TENM3: variants seen among roughly 807,000 people sequenced by gnomAD.
TENM3 encodes the protein teneurin-3.
TENM3 carries 63 observed loss-of-function variants against 255.1 expected under a neutral mutation model. That is an observed-to-expected ratio of 0.25 (90% confidence interval 0.20 to 0.30). TENM3 has a LOEUF of 0.30. TENM3 is among the 10% of genes least tolerant of loss of function. TENM3 has a pLI of 1.00. For missense variants in TENM3, 2,929 were observed against 3,461.1 expected, an observed-to-expected ratio of 0.85 and a Z score of 3.86; for synonymous variants, 1,306 against 1,322.3, an observed-to-expected ratio of 0.99 and a Z score of 0.27.
At chr4:182,481,290 T>C (rs2151514163) in intron 3 of TENM3, among the ~76,000 whole-genome samples, 1 of 152,306 alleles carries the variant, frequency 6.6e-6, no homozygotes, top group East Asian at 1.9e-4. Context: ...ATCGCTTTTC[T>C]TTATCTTGAA....
intron 5 of TENM3, among the ~76,000 whole-genome samples, chr4:182,633,968 G>A (rs764899204): frequency 1.3e-4 from 20 of 152,106 alleles, no homozygotes; most frequent in Admixed American, 7.9e-4. Context: ...CCTAGGAATC[G>A]CCTGGGGACC....
At chr4:181,595,990 G>A in the TENM3 span, among the ~76,000 whole-genome samples, 7 of 152,022 alleles carry the variant, frequency 4.6e-5, no homozygotes, top group Non-Finnish European at 1.0e-4. Context: ...AAGTATTTGG[G>A]CATTTCTCAT....
At chr4:181,523,244 G>C in the TENM3 span, among the ~76,000 whole-genome samples, 1 of 151,992 alleles carries the variant, frequency 6.6e-6, no homozygotes, top group African/African-American at 2.4e-5. Context: ...CCAGAACTTG[G>C]ACTGCATAGT....
chr4:181,939,737 G>T, the TENM3 span, among the ~76,000 whole-genome samples: 337 of 152,354 alleles, frequency 2.2e-3, no homozygotes, highest in African/African-American at 7.6e-3. Context: ...GCAGGGGCCA[G>T]GGTGAGTGGA....
intron 3 of TENM3, among the ~76,000 whole-genome samples, chr4:182,415,757 T>G (rs1770317323): frequency 6.6e-6 from 1 of 152,176 alleles, no homozygotes; most frequent in South Asian, 2.1e-4. Context: ...AATTATTGCT[T>G]ATTGAACTTT....
At chr4:181,924,726 A>T in the TENM3 span, among the ~76,000 whole-genome samples, 6 of 152,048 alleles carry the variant, frequency 3.9e-5, no homozygotes, top group African/African-American at 1.4e-4. Context: ...TACCCTTTTC[A>T]CCAGTTTGTA....
At chr4:182,767,430 G>A (rs1763811257) in intron 22 of TENM3, among the ~76,000 whole-genome samples, 1 of 152,166 alleles carries the variant, frequency 6.6e-6, no homozygotes. Context: ...AATTAGCAAT[G>A]TGGGAAAAGT....
chr4:182,265,379 G>GGT (rs1164430523), intron 1 of TENM3, among the ~76,000 whole-genome samples: 3 of 152,138 alleles, frequency 2.0e-5, no homozygotes, highest in Non-Finnish European at 4.4e-5. Context: ...CTGGAGATGA[G>GGT]ACTCCCATGA....
chr4:181,552,993 T>C, the TENM3 span, among the ~76,000 whole-genome samples: 6 of 152,288 alleles, frequency 3.9e-5, no homozygotes, highest in East Asian at 1.2e-3. Flanking sequence ...TTTTTCTGAC[T>C]CCCTTCTAGG....
chr4:182,419,300 C>G (rs968037569), intron 3 of TENM3, among the ~76,000 whole-genome samples: 8 of 152,210 alleles, frequency 5.3e-5, no homozygotes, highest in African/African-American at 1.9e-4. Flanking sequence ...CAGAGAAATG[C>G]AAATCAAAAT....
rs193017812 is a variant in TENM3, at chr4:182,678,697, C to T, written c.1327-969C>T. On this transcript the variant is annotated intron_variant, in intron 7 of 27. Coordinates refer to ENST00000511685, the MANE Select transcript of TENM3 (RefSeq NM_001080477.4). ...TGTTAAAGCCTTCCTACGAGGGTTC[C>T]TATGAGGAACCAGCACGGAGTAAGG... Among the ~76,000 whole-genome samples the T allele has an allele frequency of 8.5e-5, 13 of 152,290 alleles. No individual in the cohort carries two copies. In the East Asian group the frequency reaches 2.3e-3, roughly 27 times the overall value.
chr4:182,486,315 TGG>T (rs5864787), intron 3 of TENM3, among the ~76,000 whole-genome samples: 1 of 111,338 alleles, frequency 9.0e-6, no homozygotes, highest in Non-Finnish European at 1.7e-5. Flanking sequence ...TAATTGTGTG[TGG>T]GGGGGAGGGT....
intron 4 of TENM3, among the ~76,000 whole-genome samples, chr4:182,623,221 G>C (rs1235361205): frequency 6.6e-6 from 1 of 151,790 alleles, no homozygotes; most frequent in East Asian, 1.9e-4. Flanking sequence ...CACTGTATTA[G>C]CCAAGATGGT....
At chr4:181,637,591 G>GT in the TENM3 span, among the ~76,000 whole-genome samples, 8 of 152,170 alleles carry the variant, frequency 5.3e-5, no homozygotes, top group African/African-American at 1.9e-4. Flanking sequence ...CAAAACTTTG[G>GT]TGGAACACTG....
chr4:181,467,283 G>A, the TENM3 span, among the ~76,000 whole-genome samples: 1 of 150,048 alleles, frequency 6.7e-6, no homozygotes, highest in Non-Finnish European at 1.5e-5. Context: ...ACAAGCGCCC[G>A]CCACTGTGCC....
chr4:182,456,263 T>G (rs1773869774), intron 3 of TENM3, among the ~76,000 whole-genome samples: 1 of 152,214 alleles, frequency 6.6e-6, no homozygotes, highest in African/African-American at 2.4e-5. Flanking sequence ...TTACTACTGC[T>G]CTGTCATCAA....
At chr4:182,082,485 A>G in the TENM3 span, among the ~76,000 whole-genome samples, 1 of 152,220 alleles carries the variant, frequency 6.6e-6, no homozygotes, top group Non-Finnish European at 1.5e-5. Flanking sequence ...TTATCAACAC[A>G]CATACAATAT....
chr4:182,175,906 A>T (rs1321803672), intron 1 of TENM3, among the ~76,000 whole-genome samples: 3 of 150,746 alleles, frequency 2.0e-5, no homozygotes, highest in Non-Finnish European at 4.4e-5. Context: ...TTGGAATGAC[A>T]CCCCCGCCCC....
chr4:182,211,733 A>G (rs1469544275), intron 1 of TENM3, among the ~76,000 whole-genome samples: 1 of 152,210 alleles, frequency 6.6e-6, no homozygotes, highest in South Asian at 2.1e-4. Flanking sequence ...AATATATACT[A>G]TGGAACTGCT....
Sources: gnomAD v4.1 joint callset for allele counts (sites outside exome capture counted in the v4.1 genomes callset) on GRCh38, gnomAD v4.1.1 for gene constraint, MANE v1.5 for transcripts, NCBI Gene and HGNC (gene_info 2026-07-23, HGNC 2026-07-21) for gene names.